The following PLCB1 variants were observed in gnomAD, a reference collection of about 807,000 sequenced individuals.
PLCB1 encodes the protein 1-phosphatidylinositol 4,5-bisphosphate phosphodiesterase beta-1.
Under a neutral mutation model 161.8 loss-of-function variants are expected in PLCB1, and 46 were observed. That is an observed-to-expected ratio of 0.28 (90% CI 0.22 to 0.36). The LOEUF (loss-of-function observed/expected upper bound fraction) is 0.36. PLCB1 is among the 10% of genes least tolerant of loss of function. The probability of loss-of-function intolerance (pLI) is 1.00; values close to 1 mark genes in which losing one functional copy is unlikely to be tolerated. For synonymous variants in PLCB1, 517 were observed against 503.7 expected, an observed-to-expected ratio of 1.03 and a Z score of -0.35; for missense variants, 1,016 against 1,472.5, an observed-to-expected ratio of 0.69 and a Z score of 5.07.
intron 3 of PLCB1, among the ~76,000 whole-genome samples, chr20:8,523,432 G>GGAGAGA (rs1156522381): frequency 9.5e-6 from 1 of 105,202 alleles, no homozygotes; most frequent in Non-Finnish European, 2.0e-5. Flanking sequence ...GTGTGTGTAT[G>GGAGAGA]GAGAGAGACG....
chr20:8,780,273 C>T (rs982655661), intron 27 of PLCB1, among the ~76,000 whole-genome samples: 1 of 152,208 alleles, frequency 6.6e-6, no homozygotes, highest in Non-Finnish European at 1.5e-5. Flanking sequence ...TAAACACCCA[C>T]AGCCCAGTGA....
chr20:8,299,644 C>T (rs1297711355), intron 2 of PLCB1, among the ~76,000 whole-genome samples: 1 of 152,176 alleles, frequency 6.6e-6, no homozygotes. Context: ...TCTTAATTTT[C>T]ATATACCTCC....
At chr20:8,438,443 A>G (rs1265133065) in intron 3 of PLCB1, among the ~76,000 whole-genome samples, 1 of 152,202 alleles carries the variant, frequency 6.6e-6, no homozygotes, top group Non-Finnish European at 1.5e-5. Flanking sequence ...TTAAACTTCT[A>G]ATGGGCAAAA....
chr20:8,793,152 C>G (rs955000527), intron 31 of PLCB1, among the ~76,000 whole-genome samples: 1 of 152,196 alleles, frequency 6.6e-6, no homozygotes, highest in Non-Finnish European at 1.5e-5. Flanking sequence ...AATAGTATCT[C>G]TAAAACAAGT....
In PLCB1 at chr20:8,548,100, CCCTTCCCTTCTT is replaced by C. The variant is rs571383147; in HGVS notation, c.247-80187_247-80176del. ...TCCCTCCCTTCCTCCCTTTCTTCCT[CCCTTCCCTTCTT>C]CCTTCCTTTTCTTTTTTTCCATTCT... On this transcript the variant is annotated intron_variant, in intron 3 of 31. Transcript: ENST00000338037. Among the ~76,000 whole-genome samples, 258 of 149,884 alleles carry C rather than the reference CCCTTCCCTTCTT, an allele frequency of 1.7e-3. 1 individual carries two copies. The highest frequency in any genetic ancestry group is 5.9e-3 in the African/African-American group (239 of 40,800).
At position 8,646,123 on chromosome 20, in the gene PLCB1, A is replaced by T. The variant is rs201510657; in HGVS notation, c.406A>T (p.Ser136Cys). The T allele has an allele frequency of 6.2e-7, 1 of 1,612,882 alleles. No homozygotes were observed. Among genetic ancestry groups the T allele is most frequent in the Admixed American group, 1.7e-5 (1 of 60,028 alleles). ...TCAGGAATGGACAAATGAGGTTTTC[A>T]GTTTGGCAACAAACCTGCTGGCCCA... ...VAKEWTNEVF[S>C]LATNLLAQNM... Residue 136 changes from serine (S) to cysteine (C), a missense_variant, in exon 5 of 32, where the codon AGT becomes TGT. Coordinates refer to ENST00000338037, the MANE Select transcript of PLCB1 (RefSeq NM_015192.4).
chr20:8,314,543 AACC>A (rs1984549350), intron 2 of PLCB1, among the ~76,000 whole-genome samples: 1 of 152,194 alleles, frequency 6.6e-6, no homozygotes, highest in Non-Finnish European at 1.5e-5. Context: ...CAAGCTATAT[AACC>A]TTTGTCTGCC....
At chr20:8,248,962 T>C (rs1981013234) in intron 2 of PLCB1, among the ~76,000 whole-genome samples, 1 of 151,934 alleles carries the variant, frequency 6.6e-6, no homozygotes, top group East Asian at 1.9e-4. Flanking sequence ...AGGTATGGTC[T>C]TTTCATTTTA....
intron 3 of PLCB1, among the ~76,000 whole-genome samples, chr20:8,450,826 A>G (rs1317457983): frequency 1.3e-5 from 2 of 152,196 alleles, no homozygotes; most frequent in Non-Finnish European, 2.9e-5. Flanking sequence ...GTTACCCTGG[A>G]CAGTTAACAA....
chr20:8,775,787 A>G (rs1008206954), intron 27 of PLCB1, among the ~76,000 whole-genome samples: 2 of 152,112 alleles, frequency 1.3e-5, no homozygotes, highest in African/African-American at 4.8e-5. Flanking sequence ...TTTTCAACAG[A>G]TCTCTCGTAG....
intron 31 of PLCB1, among the ~76,000 whole-genome samples, chr20:8,807,567 T>C (rs1257773708): frequency 6.6e-6 from 1 of 152,134 alleles, no homozygotes; most frequent in East Asian, 1.9e-4. Context: ...TAGTGTTTTT[T>C]TTTTTTCCTT....
At position 8,884,749 on chromosome 20, in the gene PLCB1, T is replaced by G. The variant is rs374699222; in HGVS notation, c.*2900T>G. 9 of 152,762 alleles carry G rather than the reference T, an allele frequency of 5.9e-5. No individual in the cohort carries two copies. Among genetic ancestry groups the G allele is most frequent in the East Asian group, 1.9e-4 (1 of 5,180 alleles). 9.5% of individuals were successfully genotyped at this position (152,762 alleles called of 1,614,324 possible). On this transcript the variant is annotated 3_prime_UTR_variant, in exon 32 of 32. Transcript: ENST00000338037. ...ATTTGAAGCTCTTAAAATGTACATA[T>G]TTTGGTTCTTCTATCTCAAATTATT...
intron 11 of PLCB1, 113 bp from the exon 12 acceptor site, chr20:8,708,557 C>T (rs538083282): frequency 1.9e-5 from 13 of 671,986 alleles, no homozygotes; most frequent in South Asian, 3.7e-5. Context: ...TCAGGCCATT[C>T]GATACAATTC....
chr20:8,768,490 AC>A (rs1452199451), intron 26 of PLCB1, among the ~76,000 whole-genome samples: 1 of 152,210 alleles, frequency 6.6e-6, no homozygotes, highest in African/African-American at 2.4e-5. Flanking sequence ...AAATTAGATC[AC>A]AGGCTGAGGT....
At chr20:8,258,479 A>G (rs1017843063) in intron 2 of PLCB1, among the ~76,000 whole-genome samples, 2 of 152,162 alleles carry the variant, frequency 1.3e-5, no homozygotes, top group Non-Finnish European at 2.9e-5. Flanking sequence ...CTTAGATGAT[A>G]GAAAAACGTT....
intron 3 of PLCB1, among the ~76,000 whole-genome samples, chr20:8,397,930 C>A (rs573080582): frequency 6.6e-6 from 1 of 151,678 alleles, no homozygotes; most frequent in Admixed American, 6.6e-5. Context: ...TTTTTAAATG[C>A]CTTCCTTTAC....
intron 31 of PLCB1, among the ~76,000 whole-genome samples, 172 bp downstream of exon 31, chr20:8,790,433 C>T (rs1366142719): frequency 1.3e-5 from 2 of 152,180 alleles, no homozygotes; most frequent in African/African-American, 4.8e-5. Context: ...ATTCAGTAAG[C>T]ATTTATCATC....
At chr20:8,566,251 A>G (rs1297059956) in intron 3 of PLCB1, among the ~76,000 whole-genome samples, 3 of 152,190 alleles carry the variant, frequency 2.0e-5, no homozygotes, top group Non-Finnish European at 4.4e-5. Context: ...GGTGGAAACA[A>G]TCATTAAATA....
intron 4 of PLCB1, among the ~76,000 whole-genome samples, chr20:8,640,944 AG>A (rs1988935885): frequency 6.6e-6 from 1 of 152,212 alleles, no homozygotes; most frequent in African/African-American, 2.4e-5. Flanking sequence ...CATTTGGCAG[AG>A]GAATGTCAAG....
Sources: allele counts gnomAD v4.1 joint callset (sites outside exome capture counted in the v4.1 genomes callset), GRCh38; gene constraint gnomAD v4.1.1; transcripts MANE v1.5; gene names NCBI Gene and HGNC (gene_info 2026-07-23, HGNC 2026-07-21).